Variants in ASPRV1 observed in about 807,000 individuals in gnomAD.
ASPRV1 encodes aspartic peptidase retroviral like 1.
ASPRV1 carries 7 observed loss-of-function variants against 11.0 expected under a neutral mutation model. That is an observed-to-expected ratio of 0.64 (90% CI 0.36 to 1.20). The LOEUF is 1.20. ASPRV1 is among the 50% of genes most tolerant of loss of function. ASPRV1 has a pLI of 0.02. For synonymous variants in ASPRV1, 136 were observed against 138.4 expected (o/e 0.98, Z 0.12); for missense variants, 299 against 320.0 (o/e 0.93, Z 0.50).
the ASPRV1 span, chr2:70,014,491 C>G: frequency 6.6e-6 from 1 of 152,036 alleles, no homozygotes; most frequent in Non-Finnish European, 1.5e-5. Context: ...TTCTGTGCAA[C>G]AGAGGATACA....
At chr2:70,037,073 T>C in the ASPRV1 span, among the ~76,000 whole-genome samples, 1 of 152,188 alleles carries the variant, frequency 6.6e-6, no homozygotes. Flanking sequence ...AAGTAATTTT[T>C]TTCTCTAAAT....
the ASPRV1 span, chr2:69,937,980 C>G: frequency 1.1e-6 from 1 of 919,300 alleles, no homozygotes; most frequent in African/African-American, 1.7e-5. Context: ...CTCCTAACCT[C>G]AAGTGATCCA....
At chr2:70,007,492 T>C in the ASPRV1 span, among the ~76,000 whole-genome samples, 1 of 151,812 alleles carries the variant, frequency 6.6e-6, no homozygotes, top group Non-Finnish European at 1.5e-5. Flanking sequence ...CACTCCGGCA[T>C]GGGCAACAAG....
the ASPRV1 span, among the ~76,000 whole-genome samples, chr2:70,062,787 C>A: frequency 6.6e-6 from 1 of 152,062 alleles, no homozygotes; most frequent in East Asian, 1.9e-4. Context: ...GGCAACATAG[C>A]GAGACCTTGT....
the ASPRV1 span, among the ~76,000 whole-genome samples, chr2:69,944,858 C>A: frequency 6.6e-6 from 1 of 152,022 alleles, no homozygotes; most frequent in African/African-American, 2.4e-5. Context: ...AACCAGCATG[C>A]TCTCAAAGGA....
the ASPRV1 span, among the ~76,000 whole-genome samples, chr2:70,080,575 T>C: frequency 6.6e-6 from 1 of 152,154 alleles, no homozygotes. Flanking sequence ...ATTTGCTAAC[T>C]CAAAGGTCAG....
chr2:69,939,436 G>A, the ASPRV1 span: 1 of 152,532 alleles, frequency 6.6e-6, no homozygotes, highest in South Asian at 2.1e-4. Flanking sequence ...CCCTTAAGTG[G>A]TCTCCGACTT....
the ASPRV1 span, chr2:70,029,978 G>T: frequency 6.6e-6 from 1 of 152,026 alleles, no homozygotes; most frequent in Non-Finnish European, 1.5e-5. Context: ...TTCAAGATTT[G>T]GTTAAAATAG....
chr2:69,938,036 C>T, the ASPRV1 span: 2 of 1,526,360 alleles, frequency 1.3e-6, no homozygotes, highest in African/African-American at 1.4e-5. Flanking sequence ...CATGAGCCAC[C>T]ACGCCTGAGC....
the ASPRV1 span, among the ~76,000 whole-genome samples, chr2:69,936,426 T>C: frequency 6.6e-6 from 1 of 152,134 alleles, no homozygotes; most frequent in African/African-American, 2.4e-5. Context: ...GCTACCTGAA[T>C]AGCAAAGGGT....
chr2:69,938,323 C>T, the ASPRV1 span: 18 of 1,602,600 alleles, frequency 1.1e-5, no homozygotes, highest in Non-Finnish European at 1.5e-5. Context: ...AAGGTTCTCC[C>T]TGTTGGTTCT....
the ASPRV1 span, among the ~76,000 whole-genome samples, chr2:70,074,453 C>CTTTT: frequency 2.6e-5 from 4 of 151,416 alleles, no homozygotes; most frequent in Admixed American, 2.0e-4. Context: ...CACACCTGGC[C>CTTTT]TTTTTTTGTA....
At chr2:70,061,104 G>A in the ASPRV1 span, among the ~76,000 whole-genome samples, 8 of 151,194 alleles carry the variant, frequency 5.3e-5, no homozygotes, top group African/African-American at 1.9e-4. Context: ...ACAATTAAAG[G>A]CAAAGGACAG....
the ASPRV1 span, among the ~76,000 whole-genome samples, chr2:70,067,980 A>G: frequency 6.6e-6 from 1 of 152,206 alleles, no homozygotes; most frequent in African/African-American, 2.4e-5. Flanking sequence ...CCCATCCTCC[A>G]CTGGCCTTGA....
chr2:70,057,788 ATTT>A, the ASPRV1 span, among the ~76,000 whole-genome samples: 1 of 147,938 alleles, frequency 6.8e-6, no homozygotes, highest in Non-Finnish European at 1.5e-5. Flanking sequence ...CAGTAAAACG[ATTT>A]TTTTGTTTTG....
At chr2:69,956,589 G>A (rs1677946824), downstream of ASPRV1, among the ~76,000 whole-genome samples, 1 of 152,064 alleles carries the variant, frequency 6.6e-6, no homozygotes, top group Non-Finnish European at 1.5e-5. Context: ...TGGTAATTTG[G>A]TAATATCACA....
chr2:70,037,336 G>A, the ASPRV1 span, among the ~76,000 whole-genome samples: 1 of 152,118 alleles, frequency 6.6e-6, no homozygotes. Context: ...AAAGTGCTGG[G>A]ATTACAGGCA....
chr2:70,064,492 A>G, the ASPRV1 span, among the ~76,000 whole-genome samples: 2 of 152,242 alleles, frequency 1.3e-5, no homozygotes, highest in African/African-American at 4.8e-5. Flanking sequence ...AGGTGAAGTT[A>G]TATGTATACT....
At chr2:69,953,205 G>C in the ASPRV1 span, among the ~76,000 whole-genome samples, 1 of 152,246 alleles carries the variant, frequency 6.6e-6, no homozygotes, top group Non-Finnish European at 1.5e-5. Context: ...CCATGGATCA[G>C]TGTATGACCC....
Sources: gnomAD v4.1 joint callset for allele counts (sites outside exome capture counted in the v4.1 genomes callset) on GRCh38, gnomAD v4.1.1 for gene constraint, MANE v1.5 for transcripts, NCBI Gene and HGNC (gene_info 2026-07-23, HGNC 2026-07-21) for gene names.